The following LASP1 variants were observed in gnomAD, a reference collection of about 807,000 sequenced individuals.
LASP1 encodes LIM and SH3 protein 1.
A neutral mutation model predicts 38.6 loss-of-function variants in LASP1; 10 were observed. That is an observed-to-expected ratio of 0.26 (90% CI 0.16 to 0.44). The LOEUF (loss-of-function observed/expected upper bound fraction) is 0.44. LASP1 is among the 20% of genes least tolerant of loss of function. The pLI is 1.00. For missense variants in LASP1, 243 were observed against 375.7 expected, an observed-to-expected ratio of 0.65 and a Z score of 2.92; for synonymous variants, 132 against 140.8, an observed-to-expected ratio of 0.94 and a Z score of 0.44.
intron 2 of LASP1, among the ~76,000 whole-genome samples, chr17:38,884,687 C>CGTT (rs1478753629): frequency 9.7e-6 from 1 of 102,916 alleles, no homozygotes; most frequent in African/African-American, 4.0e-5. Context: ...CCACGTCCGG[C>CGTT]TTTTTTTTTT....
chr17:38,889,547 C>G (rs903726548), intron 2 of LASP1, among the ~76,000 whole-genome samples: 1 of 152,196 alleles, frequency 6.6e-6, no homozygotes, highest in African/African-American at 2.4e-5. Flanking sequence ...AATTCCACAC[C>G]TGGCCTCATG....
chr17:38,896,118 G>C (rs896021371), intron 3 of LASP1, among the ~76,000 whole-genome samples: 2 of 69,590 alleles, frequency 2.9e-5, no homozygotes, highest in African/African-American at 7.1e-5. Context: ...GGGCAAGAAG[G>C]GAGCCCTGAA....
Position 38,911,881 on chromosome 17 carries a change from C to T in LASP1, c.358-2444C>T, listed in dbSNP as rs1264627465. 2.6e-5 allele frequency among the ~76,000 whole-genome samples: 4 copies of T among 152,174 alleles called. No homozygotes were observed. The East Asian group carries it at 5.8e-4, about 22-fold the overall frequency. ...TGATCTTGGCTCACCGCAACCTCTGCCTCCCAGGTTCAAGCTATCCTTTTG... is the reference window on the plus strand; with the variant it reads ...TGATCTTGGCTCACCGCAACCTCTGTCTCCCAGGTTCAAGCTATCCTTTTG... On this transcript the variant is annotated intron_variant, in intron 4 of 6. Coordinates refer to ENST00000318008, the MANE Select transcript of LASP1 (RefSeq NM_006148.4).
chr17:38,914,991 G>A, intron 5 of LASP1, 52 bp from the exon 6 acceptor site: 2 of 1,564,766 alleles, frequency 1.3e-6, no homozygotes, highest in Non-Finnish European at 1.8e-6. Context: ...GCTCTGGGAG[G>A]GGCTGGGTTT....
intron 2 of LASP1, among the ~76,000 whole-genome samples, chr17:38,884,893 G>A (rs1431764348): frequency 3.3e-5 from 5 of 152,024 alleles, no homozygotes; most frequent in Non-Finnish European, 5.9e-5. Context: ...GTTTTGCCAC[G>A]TTGGCCAGAC....
At chr17:38,895,977 C>T (rs956499085) in intron 3 of LASP1, among the ~76,000 whole-genome samples, 1 of 152,166 alleles carries the variant, frequency 6.6e-6, no homozygotes, top group Non-Finnish European at 1.5e-5. Context: ...GGTCCTCTGA[C>T]CGAAGCGCTG....
At chr17:38,885,130 C>T (rs1598107524) in intron 2 of LASP1, among the ~76,000 whole-genome samples, 1 of 152,200 alleles carries the variant, frequency 6.6e-6, no homozygotes, top group Admixed American at 6.5e-5. Flanking sequence ...CTGCCAAGCA[C>T]ATCTTTCCCC....
At chr17:38,885,358 C>T (rs1914088268) in intron 2 of LASP1, among the ~76,000 whole-genome samples, 1 of 152,140 alleles carries the variant, frequency 6.6e-6, no homozygotes, top group Non-Finnish European at 1.5e-5. Context: ...CAAGATGTTG[C>T]TTTGTGTCTC....
chr17:38,886,065 C>T (rs1429028201), intron 2 of LASP1, among the ~76,000 whole-genome samples: 2 of 151,996 alleles, frequency 1.3e-5, no homozygotes, highest in African/African-American at 2.4e-5. Flanking sequence ...TGTGCCTCTT[C>T]CTCAACCCCC....
intron 4 of LASP1, among the ~76,000 whole-genome samples, chr17:38,905,600 C>G (rs1168960432): frequency 2.0e-5 from 3 of 150,846 alleles, no homozygotes; most frequent in Non-Finnish European, 4.4e-5. Flanking sequence ...TTCCAAGTGG[C>G]TGCACTGATT....
Position 38,919,871 on chromosome 17 carries a change from TGTGA to T in LASP1, c.*1097_*1100del. 2.1e-6 allele frequency: 1 copy of T among 476,008 alleles called. No individual in the cohort carries two copies. Among genetic ancestry groups the T allele is most frequent in the African/African-American group, 1.9e-5 (1 of 52,034 alleles). 29.5% of individuals were successfully genotyped at this position (476,008 alleles called of 1,614,324 possible). Reference sequence around the variant, plus strand: ...TCTGCAGGTGTCTGACACGCAAGTGTGTGAGTGTGAGTGTGAGAGATGGGGCGGG... The same window carrying T: ...TCTGCAGGTGTCTGACACGCAAGTGTGTGTGAGTGTGAGAGATGGGGCGGG... On this transcript the variant is annotated 3_prime_UTR_variant, in exon 7 of 7. Coordinates refer to ENST00000318008, the MANE Select transcript of LASP1 (RefSeq NM_006148.4).
chr17:38,891,971 C>T (rs546846047), intron 3 of LASP1, among the ~76,000 whole-genome samples: 2 of 151,258 alleles, frequency 1.3e-5, no homozygotes, highest in South Asian at 2.1e-4. Flanking sequence ...CACCTGTGGT[C>T]GTAGCTACTT....
chr17:38,900,680 A>C (rs943811246), intron 4 of LASP1, among the ~76,000 whole-genome samples: 26 of 152,114 alleles, frequency 1.7e-4, no homozygotes, highest in Non-Finnish European at 3.4e-4. Flanking sequence ...TCAAAAAAAA[A>C]CCAAAAAGAT....
At chr17:38,909,891 G>A (rs60437108) in intron 4 of LASP1, among the ~76,000 whole-genome samples, 3,883 of 152,194 alleles carry the variant, frequency 0.026, 168 homozygotes, top group African/African-American at 0.088. Flanking sequence ...GGGATTACAG[G>A]TGCCCACCAC....
intron 2 of LASP1, among the ~76,000 whole-genome samples, chr17:38,880,433 G>T (rs1323113522): frequency 6.6e-6 from 1 of 152,240 alleles, no homozygotes; most frequent in Non-Finnish European, 1.5e-5. Context: ...TTCTTCTCTG[G>T]GTGATGCTTC....
At chr17:38,884,967 G>A (rs750281603) in intron 2 of LASP1, among the ~76,000 whole-genome samples, 1 of 152,092 alleles carries the variant, frequency 6.6e-6, no homozygotes, top group Non-Finnish European at 1.5e-5. Flanking sequence ...CTGGCATTTC[G>A]TGCCCGACCT....
intron 2 of LASP1, among the ~76,000 whole-genome samples, chr17:38,879,048 A>T (rs1486613966): frequency 6.6e-6 from 1 of 152,066 alleles, no homozygotes; most frequent in Non-Finnish European, 1.5e-5. Flanking sequence ...AGTAGCAAGT[A>T]CAAACTCAGT....
chr17:38,900,081 C>T (rs896787418), intron 4 of LASP1, among the ~76,000 whole-genome samples: 2 of 150,110 alleles, frequency 1.3e-5, no homozygotes, highest in African/African-American at 4.9e-5. Flanking sequence ...TACACCCTCA[C>T]ATAATACAGC....
intron 3 of LASP1, among the ~76,000 whole-genome samples, chr17:38,895,641 C>T (rs1914466383): frequency 6.6e-6 from 1 of 152,022 alleles, no homozygotes; most frequent in South Asian, 2.1e-4. Context: ...AGTAATGATC[C>T]TTCTTCTTAT....
Sources: allele counts gnomAD v4.1 joint callset (sites outside exome capture counted in the v4.1 genomes callset), GRCh38; gene constraint gnomAD v4.1.1; transcripts MANE v1.5; gene names NCBI Gene and HGNC (gene_info 2026-07-23, HGNC 2026-07-21).